The following SKIDA1 variants were observed in gnomAD, a reference collection of about 807,000 sequenced individuals.
SKIDA1 encodes the protein SKI/DACH domain-containing protein 1.
A neutral mutation model predicts 51.4 loss-of-function variants in SKIDA1; 18 were observed. The observed-to-expected ratio is 0.35, with a 90% CI of 0.24 to 0.52. SKIDA1 has a LOEUF of 0.52. SKIDA1 is among the 20% of genes least tolerant of loss of function. The pLI is 0.95. For synonymous variants in SKIDA1, 579 were observed against 500.5 expected (o/e 1.16, Z -2.09); for missense variants, 1,104 against 1,180.6 (o/e 0.94, Z 0.95).
At chr10:21,521,544 A>G (rs1385536420) in intron 2 of SKIDA1, 64 bp from the exon 3 acceptor site, 2 of 152,572 alleles carry the variant, frequency 1.3e-5, no homozygotes, top group Admixed American at 6.5e-5. Flanking sequence ...AAGAAAAGAT[A>G]TATCAACTTC....
At position 21,515,013 on chromosome 10, in the gene SKIDA1, T is replaced by A; in HGVS notation, c.*83A>T. On this transcript the variant is annotated 3_prime_UTR_variant, in exon 4 of 4. Coordinates refer to ENST00000449193, the MANE Select transcript of SKIDA1 (RefSeq NM_207371.4). ...GGACTCCAAAGGGGGTGTAACACAT[T>A]AATGGACTTGTACAAACCATCCTGT... 7.0e-7 allele frequency: 1 copy of A among 1,421,776 alleles called. No homozygotes were observed. The highest frequency in any genetic ancestry group is 9.2e-7 in the Non-Finnish European group (1 of 1,087,076). 88.1% of individuals were successfully genotyped at this position (1,421,776 alleles called of 1,614,324 possible). A position where few individuals can be genotyped will look rare whatever the true frequency, so the allele number is the denominator to read the frequency against.
Position 21,517,917 on chromosome 10 carries a change from T to A in SKIDA1, c.-95A>T. ...TGTTAATCCTCAGCCAGATGCTGCG[T>A]GTGTCTCAAGGCATCCTGCTAATAA... On this transcript the variant is annotated 5_prime_UTR_variant, in exon 4 of 4. Transcript: ENST00000449193. This position sits in a 1 kb window ranked among gnomAD's most constrained non-coding sequence, Gnocchi z 6.9. 3 of 1,181,334 alleles carry A rather than the reference T, an allele frequency of 2.5e-6. No individual in the cohort carries two copies. The highest frequency in any genetic ancestry group is 3.5e-6 in the Non-Finnish European group (3 of 868,318). The allele number at this position is 1,181,334 out of a possible 1,614,324, so 73.2% of individuals were successfully genotyped here. A position where few individuals can be genotyped will look rare whatever the true frequency, so the allele number is the denominator to read the frequency against.
Position 21,517,697 on chromosome 10 carries a change from C to T in SKIDA1, c.126G>A (p.Arg42=), listed in dbSNP as rs754908590. 6.2e-7 allele frequency: 1 copy of T among 1,613,832 alleles called. No individual in the cohort carries two copies. Among genetic ancestry groups the T allele is most frequent in the African/African-American group, 1.3e-5 (1 of 74,896 alleles). ...GATCCATGCGCTTGTGCACGGTCGT[C>T]CTCGGGATGTTTTTCAGCAGATCTG... is the stretch of plus-strand genomic sequence containing the variant. ...VFTDLLKNIP[R]TTVHKRMDHL... is the part of the protein sequence containing the mutation. The change falls in exon 4 of 4, where the codon AGG becomes AGA. Residue 42 remains arginine (R), a synonymous_variant. Coordinates refer to ENST00000449193, the MANE Select transcript of SKIDA1 (RefSeq NM_207371.4). The surrounding 1 kb of genome is among the most constrained non-coding windows in gnomAD (Gnocchi z 6.9).
rs11384540 is a variant in SKIDA1, at chr10:21,518,850, CTTT to C, written c.-1031_-1029del. 109 of 141,700 alleles carry C rather than the reference CTTT, an allele frequency of 7.7e-4. No individual in the cohort carries two copies. The highest frequency in any genetic ancestry group is 4.9e-3 in the East Asian group (23 of 4,652). The allele number at this position is 141,700 out of a possible 1,614,324, so 8.8% of individuals were successfully genotyped here. On this transcript the variant is annotated 5_prime_UTR_variant, in exon 4 of 4. Coordinates refer to ENST00000449193, the MANE Select transcript of SKIDA1 (RefSeq NM_207371.4). ...ACGTTTGGAATTTCTCTCGATTTTC[CTTT>C]TTTTTTTTTTTTTTTCCTGAAATGC...
rs1177625295 is a variant in SKIDA1 at position 21,516,161 on chromosome 10, T to A, written c.1662A>T (p.Thr554=). ...CATTGGAAATTTCAGAGTGTGGGAATGTAATCTCAGATACCCTATCGTTCC... is the reference window on the plus strand; with the variant it reads ...CATTGGAAATTTCAGAGTGTGGGAAAGTAATCTCAGATACCCTATCGTTCC... The part of the protein sequence containing the change: ...EIRNDRVSEI[T]FPHSEISNAV... Residue 554 remains threonine (T), a synonymous_variant, in exon 4 of 4, where the codon ACA becomes ACT. Transcript: ENST00000449193. The surrounding 1 kb of genome is among the most constrained non-coding windows in gnomAD (Gnocchi z 5.7). The A allele has an allele frequency of 2.1e-4, 334 of 1,613,922 alleles. No homozygotes were observed. The highest frequency in any genetic ancestry group is 2.8e-4 in the Non-Finnish European group (325 of 1,179,918).
chr10:21,525,215 A>G (rs2032658338), intron 1 of SKIDA1, among the ~76,000 whole-genome samples: 1 of 152,360 alleles, frequency 6.6e-6, no homozygotes, highest in Non-Finnish European at 1.5e-5. Context: ...AAATGATCTC[A>G]TGGCTATCTG....
rs1564331228 is a variant in SKIDA1, at chr10:21,513,977, G to A, written c.*1119C>T. 6.6e-6 allele frequency: 1 copy of A among 152,092 alleles called. No individual in the cohort carries two copies. The highest frequency in any genetic ancestry group is 2.4e-5 in the African/African-American group (1 of 41,392). The allele number at this position is 152,092 out of a possible 1,614,324, so 9.4% of individuals were successfully genotyped here. A position where few individuals can be genotyped will look rare whatever the true frequency, so the allele number is the denominator to read the frequency against. The stretch of plus-strand genomic sequence containing the variant: ...CACCTTTAATCCCAGCACTTTGGGA[G>A]GCCGAGACAGGCGGATCACCTGAGG... On this transcript the variant is annotated 3_prime_UTR_variant, in exon 4 of 4. Transcript: ENST00000449193.
rs1831833466 is a variant in SKIDA1 at position 21,515,597 on chromosome 10, T to G, written c.2226A>C (p.Glu742Asp). 1.9e-6 allele frequency: 3 copies of G among 1,614,030 alleles called. No homozygotes were observed. The highest frequency in any genetic ancestry group is 2.5e-6 in the Non-Finnish European group (3 of 1,179,894). ...TTAKEGFACPEKETPSLNPLA... is the reference protein window; with the variant it reads ...TTAKEGFACPDKETPSLNPLA... The stretch of plus-strand genomic sequence containing the variant: ...GTGGATTTAAGGAAGGAGTTTCTTT[T>G]TCAGGGCATGCAAAACCTTCCTTGG... The change falls in exon 4 of 4, where the codon GAA becomes GAC. Residue 742 changes from glutamate (E) to aspartate (D), a missense_variant. Glu to Asp is a conservative substitution (Grantham distance 45, BLOSUM62 2). This residue lies in a region of SKIDA1 where 938 missense variants were observed against 886.4 expected (regional missense o/e 1.06). Coordinates refer to ENST00000449193, the MANE Select transcript of SKIDA1 (RefSeq NM_207371.4).
At chr10:21,521,576 C>T (rs2032396525) in intron 2 of SKIDA1, 96 bp from the exon 3 acceptor site, 2 of 152,188 alleles carry the variant, frequency 1.3e-5, no homozygotes, top group African/African-American at 2.4e-5. Flanking sequence ...AATGCAAGTA[C>T]ATATGTAGAT....
chr10:21,523,482 A>G (rs186905224), intron 2 of SKIDA1, among the ~76,000 whole-genome samples: 43 of 152,310 alleles, frequency 2.8e-4, no homozygotes, highest in African/African-American at 9.6e-4. Flanking sequence ...ATATTTTCCT[A>G]TGAGACACAT....
Position 21,517,840 on chromosome 10 carries a change from C to G in SKIDA1, c.-18G>C, listed in dbSNP as rs952516810. On this transcript the variant is annotated 5_prime_UTR_variant, in exon 4 of 4. Transcript: ENST00000449193. The surrounding 1 kb of genome is among the most constrained non-coding windows in gnomAD (Gnocchi z 6.9). ...TCTCCCATCTCGGGCACTAAATGAT[C>G]CCCACCATTTGCAGTAAATATATAC... is the stretch of plus-strand genomic sequence containing the variant. The G allele has an allele frequency of 6.3e-7, 1 of 1,587,854 alleles. No individual in the cohort carries two copies. Among genetic ancestry groups the G allele is most frequent in the Admixed American group, 1.7e-5 (1 of 57,840 alleles).
intron 3 of SKIDA1, among the ~76,000 whole-genome samples, chr10:21,520,672 C>T (rs1429439554): frequency 1.3e-5 from 2 of 151,124 alleles, no homozygotes; most frequent in Non-Finnish European, 2.9e-5. Context: ...TCTCCTAGTC[C>T]TCCTACACAT....
At chr10:21,521,058 G>GCGCACACACACACACA (rs1554772011) in intron 3 of SKIDA1, among the ~76,000 whole-genome samples, 9 of 146,660 alleles carry the variant, frequency 6.1e-5, no homozygotes, top group African/African-American at 2.0e-4. Context: ...ATGAGTGCAT[G>GCGCACACACACACACA]CACACACACA....
chr10:21,516,896 C>CGAAAATAAGCAGGGTCCGAGGGGAA lies in SKIDA1; in HGVS notation c.926_927insTTCCCCTCGGACCCTGCTTATTTTC (p.Ala310SerfsTer137). The CGAAAATAAGCAGGGTCCGAGGGGAA allele has an allele frequency of 8.8e-7, 1 of 1,140,380 alleles. No individual in the cohort carries two copies. 70.6% of individuals were successfully genotyped at this position (1,140,380 alleles called of 1,614,324 possible). A position where few individuals can be genotyped will look rare whatever the true frequency, so the allele number is the denominator to read the frequency against. On this transcript the variant is annotated frameshift_variant, in exon 4 of 4. Transcript: ENST00000449193. LOFTEE classifies it high-confidence loss of function. The surrounding 1 kb of genome is among the most constrained non-coding windows in gnomAD (Gnocchi z 5.7). ...CGGCGGCCGCCGCCGCCGCTGCCGCCGCCGCCGCCGCCGCCGCCGCCTTGG... is the reference window on the plus strand; with the variant it reads ...CGGCGGCCGCCGCCGCCGCTGCCGCCGAAAATAAGCAGGGTCCGAGGGGAAGCCGCCGCCGCCGCCGCCGCCTTGG...
Position 21,515,039 on chromosome 10 carries a change from G to T in SKIDA1, c.*57C>A. On this transcript the variant is annotated 3_prime_UTR_variant, in exon 4 of 4. Transcript: ENST00000449193. Reference sequence around the variant, plus strand: ...AATGGACTTGTACAAACCATCCTGTGCAGTTTACAACAAAAGGAAGGTAAT... The same window carrying T: ...AATGGACTTGTACAAACCATCCTGTTCAGTTTACAACAAAAGGAAGGTAAT... The T allele has an allele frequency of 6.7e-7, 1 of 1,492,862 alleles. No individual in the cohort carries two copies. The highest frequency in any genetic ancestry group is 8.9e-7 in the Non-Finnish European group (1 of 1,122,226). The allele number at this position is 1,492,862 out of a possible 1,614,324, so 92.5% of individuals were successfully genotyped here.
In SKIDA1 at chr10:21,513,980, C is replaced by G. The variant is rs959253209; in HGVS notation, c.*1116G>C. On this transcript the variant is annotated 3_prime_UTR_variant, in exon 4 of 4. Transcript: ENST00000449193. ...CTTTAATCCCAGCACTTTGGGAGGC[C>G]GAGACAGGCGGATCACCTGAGGTCA... The G allele has an allele frequency of 6.6e-6, 1 of 151,876 alleles. No homozygotes were observed. The highest frequency in any genetic ancestry group is 1.5e-5 in the Non-Finnish European group (1 of 67,996). The allele number at this position is 151,876 out of a possible 1,614,324, so 9.4% of individuals were successfully genotyped here. A position where few individuals can be genotyped will look rare whatever the true frequency, so the allele number is the denominator to read the frequency against.
chr10:21,521,110 C>G (rs545724399), intron 3 of SKIDA1, among the ~76,000 whole-genome samples: 2 of 140,284 alleles, frequency 1.4e-5, no homozygotes, highest in Non-Finnish European at 3.1e-5. Context: ...TGACAGACAG[C>G]TTTCTTGGGC....
chr10:21,522,795 G>T (rs2032443941), intron 2 of SKIDA1, among the ~76,000 whole-genome samples: 1 of 152,136 alleles, frequency 6.6e-6, no homozygotes, highest in Non-Finnish European at 1.5e-5. Flanking sequence ...ATGCCATGTT[G>T]TCTACTGACC....
In SKIDA1 at chr10:21,516,565, C is replaced by T. The variant is rs1415470752; in HGVS notation, c.1258G>A (p.Glu420Lys). The T allele has an allele frequency of 3.9e-5, 60 of 1,548,522 alleles. 1 individual carries two copies. In the Admixed American group the frequency reaches 8.2e-4, roughly 21 times the overall value. The change falls in exon 4 of 4, where the codon GAG (glutamate) becomes AAG (lysine). Residue 420 changes from glutamate to lysine, a missense_variant. Transcript: ENST00000449193. This position sits in a 1 kb window ranked among gnomAD's most constrained non-coding sequence, Gnocchi z 5.7. ...SSEEEEEEGE[E>K]EEEEEEEEGG... ...TCCTCCTCCTCTTCCTCCTCCTCCT[C>T]CTCTCCCTCCTCCTCCTCTTCCTCT...
Sources: allele counts gnomAD v4.1 joint callset (sites outside exome capture counted in the v4.1 genomes callset), GRCh38; gene constraint gnomAD v4.1.1; regional missense constraint gnomAD v4.1.1; non-coding constraint Gnocchi (gnomAD v3.1); transcripts MANE v1.5; gene names NCBI Gene and HGNC (gene_info 2026-07-23, HGNC 2026-07-21).